Variants in UGT1A1 observed in about 807,000 individuals in gnomAD.
UGT1A1 encodes the protein UDP glucuronosyltransferase family 1 member A1.
In UGT1A1, 33 loss-of-function variants were observed where a neutral mutation model predicts 40.6. That is an observed-to-expected ratio of 0.81 (90% CI 0.62 to 1.09). The LOEUF is 1.09. Among genes scored for constraint, UGT1A1 ranks in the 50% least tolerant of loss-of-function variants. The pLI, the probability that UGT1A1 is intolerant of heterozygous loss-of-function variation, is 0.00. For synonymous variants in UGT1A1, 249 were observed against 265.0 expected (o/e 0.94, Z 0.59); for missense variants, 694 against 671.2 (o/e 1.03, Z -0.38).
chr2:233,764,221 A>G (rs1437910759), intron 1 of UGT1A1, among the ~76,000 whole-genome samples: 2 of 152,128 alleles, frequency 1.3e-5, no homozygotes, highest in African/African-American at 2.4e-5. Context: ...AAGGGAATCA[A>G]TGGTGGGGGA....
intron 4 of UGT1A1, chr2:233,770,529 A>G (rs986919893): frequency 6.6e-6 from 1 of 152,118 alleles, no homozygotes; most frequent in Non-Finnish European, 1.5e-5. Flanking sequence ...ATGGTGGTGT[A>G]TGCCTGTAAT....
At chr2:233,770,549 T>C (rs1220272101) in intron 4 of UGT1A1, 7 of 151,978 alleles carry the variant, frequency 4.6e-5, no homozygotes, top group Non-Finnish European at 8.8e-5. Flanking sequence ...TCCCAGCTAT[T>C]TGGGAGGCTG....
intron 4 of UGT1A1, chr2:233,771,337 C>A (rs949199935): frequency 6.6e-6 from 1 of 152,084 alleles, no homozygotes; most frequent in Non-Finnish European, 1.5e-5. Flanking sequence ...CCTCTTCATT[C>A]CTGTAGCACC....
rs945545582 is a variant in UGT1A1, at chr2:233,772,813, G to A, written c.*254G>A. On this transcript the variant is annotated 3_prime_UTR_variant, in exon 5 of 5. Coordinates refer to ENST00000305208, the MANE Select transcript of UGT1A1 (RefSeq NM_000463.3). ...TGACATGTGCCATTTTTCAGAGGAC[G>A]TGCAGACAGGCTGGCATTCTAGATT... 2 of 1,026,302 alleles carry A rather than the reference G, an allele frequency of 1.9e-6. No individual in the cohort carries two copies. Among genetic ancestry groups the A allele is most frequent in the Admixed American group, 3.1e-5 (1 of 32,076 alleles). 63.6% of individuals were successfully genotyped at this position (1,026,302 alleles called of 1,614,324 possible).
At position 233,760,385 on chromosome 2, in the gene UGT1A1, T is replaced by A. The variant is rs368348566; in HGVS notation, c.98T>A (p.Ile33Asn). 30 of 1,614,058 alleles carry A rather than the reference T, an allele frequency of 1.9e-5. No homozygotes were observed. Among genetic ancestry groups the A allele is most frequent in the Non-Finnish European group, 2.5e-5 (30 of 1,180,036 alleles). Reference protein sequence around the residue: ...VVSHAGKILLIPVDGSHWLSM... With the variant: ...VVSHAGKILLNPVDGSHWLSM... ...TCCCATGCTGGGAAGATACTGTTGA[T>A]CCCAGTGGATGGCAGCCACTGGCTG... The change falls in exon 1 of 5, where the codon ATC (isoleucine) becomes AAC (asparagine). Residue 33 changes from isoleucine (I) to asparagine (N), a missense_variant. Transcript: ENST00000305208.
chr2:233,769,915 T>C lies in UGT1A1; in HGVS notation c.1304+1476T>C, dbSNP rs906114329. 1 of 293,246 alleles carries C rather than the reference T, an allele frequency of 3.4e-6. No individual in the cohort carries two copies. The allele number at this position is 293,246 out of a possible 1,614,324, so 18.2% of individuals were successfully genotyped here. Reference sequence around the variant, plus strand: ...ACCTGAGCATCATGTGCCCAGAGCGTTGGGTGGTGTGGTCCCATTCCTTCC... The same window carrying C: ...ACCTGAGCATCATGTGCCCAGAGCGCTGGGTGGTGTGGTCCCATTCCTTCC... On this transcript the variant is annotated intron_variant, in intron 4 of 4. Transcript: ENST00000305208. The surrounding 1 kb of genome is among the most constrained non-coding windows in gnomAD (Gnocchi z 4.4).
chr2:233,772,866 T>C lies in UGT1A1; in HGVS notation c.*307T>C. ...TTTTCTTACTCTGAAACATGGCCTGTTTGGGAGTGCGGGATTCAAAGGTGG... is the reference window on the plus strand; with the variant it reads ...TTTTCTTACTCTGAAACATGGCCTGCTTGGGAGTGCGGGATTCAAAGGTGG... On this transcript the variant is annotated 3_prime_UTR_variant, in exon 5 of 5. Transcript: ENST00000305208. 1 of 650,978 alleles carries C rather than the reference T, an allele frequency of 1.5e-6. No homozygotes were observed. The highest frequency in any genetic ancestry group is 2.3e-6 in the Non-Finnish European group (1 of 438,192). 40.3% of individuals were successfully genotyped at this position (650,978 alleles called of 1,614,324 possible). A position where few individuals can be genotyped will look rare whatever the true frequency, so the allele number is the denominator to read the frequency against.
intron 2 of UGT1A1, 91 bp from the exon 3 acceptor site, chr2:233,767,758 G>A: frequency 6.2e-7 from 1 of 1,604,004 alleles, no homozygotes. Context: ...TGTTCCTTCA[G>A]AGGACCCCTG....
intron 1 of UGT1A1, among the ~76,000 whole-genome samples, chr2:233,765,606 C>T (rs4663971): frequency 1.3e-5 from 2 of 151,332 alleles, no homozygotes; most frequent in Non-Finnish European, 1.5e-5. Context: ...GGGCTTGTGG[C>T]GGGGTGAGGG....
chr2:233,771,968 G>A (rs942006859), intron 4 of UGT1A1, among the ~76,000 whole-genome samples: 1 of 152,094 alleles, frequency 6.6e-6, no homozygotes, highest in Non-Finnish European at 1.5e-5. Context: ...TTTAAAAATT[G>A]GCCAGACATA....
rs370892808 is a variant in UGT1A1 at position 233,760,466 on chromosome 2, T to A, written c.179T>A (p.Leu60Gln). The change falls in exon 1 of 5, where the codon CTA becomes CAA. Residue 60 changes from leucine to glutamine, a missense_variant. Transcript: ENST00000305208. ...LQQRGHEIVV[L>Q]APDASLYIRD... ...CAGAGGGGACATGAAATAGTTGTCCTAGCACCTGACGCCTCGTTGTACATC... is the reference window on the plus strand; with the variant it reads ...CAGAGGGGACATGAAATAGTTGTCCAAGCACCTGACGCCTCGTTGTACATC... 3.1e-6 allele frequency: 5 copies of A among 1,614,114 alleles called. No individual in the cohort carries two copies. Among genetic ancestry groups the A allele is most frequent in the Non-Finnish European group, 4.2e-6 (5 of 1,180,040 alleles).
chr2:233,768,027 G>A (rs762903764), intron 3 of UGT1A1, 91 bp downstream of exon 3: 89 of 1,612,900 alleles, frequency 5.5e-5, no homozygotes, highest in Non-Finnish European at 7.1e-5. Context: ...TGTTGAGCTT[G>A]AAAATATTAT....
At position 233,772,427 on chromosome 2, in the gene UGT1A1, C is replaced by A; in HGVS notation, c.1470C>A (p.Asp490Glu). The A allele has an allele frequency of 1.2e-6, 2 of 1,614,222 alleles. No individual in the cohort carries two copies. The highest frequency in any genetic ancestry group is 1.7e-6 in the Non-Finnish European group (2 of 1,180,048). ...CCTGGTACCAGTACCATTCCTTGGA[C>A]GTGATTGGTTTCCTCTTGGCCGTCG... is the stretch of plus-strand genomic sequence containing the variant. ...DLTWYQYHSL[D>E]VIGFLLAVVL... Residue 490 changes from aspartate to glutamate, a missense_variant, in exon 5 of 5, where the codon GAC becomes GAA. Physicochemically the swap from Asp to Glu is conservative, Grantham distance 45 (BLOSUM62 2). Transcript: ENST00000305208.
intron 1 of UGT1A1, among the ~76,000 whole-genome samples, chr2:233,761,952 C>G (rs1458039003): frequency 6.6e-6 from 1 of 152,184 alleles, no homozygotes; most frequent in Non-Finnish European, 1.5e-5. Context: ...CGTCTGGCTC[C>G]CATTAAGGGG....
Position 233,767,155 on chromosome 2 carries a change from T to C in UGT1A1, c.986T>C (p.Ile329Thr), listed in dbSNP as rs202035422. The change falls in exon 2 of 5, where the codon ATC (isoleucine) becomes ACC (threonine). Residue 329 changes from isoleucine (I) to threonine (T), a missense_variant. Ile to Thr is a moderately conservative substitution (Grantham distance 89). Transcript: ENST00000305208. The stretch of plus-strand genomic sequence containing the variant: ...GCAATTGCTGATGCTTTGGGCAAAA[T>C]CCCTCAGACAGTAAGAAGATTCTAT... ...AMAIADALGK[I>T]PQTVLWRYTG... 6.2e-7 allele frequency: 1 copy of C among 1,614,056 alleles called. No homozygotes were observed. Among genetic ancestry groups the C allele is most frequent in the Non-Finnish European group, 8.5e-7 (1 of 1,179,996 alleles).
rs926387515 is a variant in UGT1A1 at position 233,772,265 on chromosome 2, C to T, written c.1308C>T (p.Tyr436=). ...ACGAAACTGTCTTTGTGTTTAGTTA[C>T]AAGGAGAACATCATGCGCCTCTCCA... ...ALKAVINDKS[Y]KENIMRLSSL... The change falls in exon 5 of 5, where the codon TAC becomes TAT. Residue 436 remains tyrosine, a synonymous_variant. Coordinates refer to ENST00000305208, the MANE Select transcript of UGT1A1 (RefSeq NM_000463.3). 4 of 1,614,232 alleles carry T rather than the reference C, an allele frequency of 2.5e-6. No homozygotes were observed. The Admixed American group carries it at 6.7e-5, about 27-fold the overall frequency.
rs777115864 is a variant in UGT1A1, at chr2:233,760,833, G to A, written c.546G>A (p.Glu182=). The A allele has an allele frequency of 5.0e-6, 8 of 1,613,598 alleles. No homozygotes were observed. Among genetic ancestry groups the A allele is most frequent in the Admixed American group, 1.7e-5 (1 of 60,008 alleles). The part of the protein sequence containing the change: ...LHALPCSLEF[E]ATQCPNPFSY... The stretch of plus-strand genomic sequence containing the variant: ...CACTGCCATGCAGCCTGGAATTTGA[G>A]GCTACCCAGTGCCCCAACCCATTCT... The change falls in exon 1 of 5, where the codon GAG becomes GAA. Residue 182 remains glutamate (E), a synonymous_variant. Coordinates refer to ENST00000305208, the MANE Select transcript of UGT1A1 (RefSeq NM_000463.3).
At position 233,768,210 on chromosome 2, in the gene UGT1A1, T is replaced by G; in HGVS notation, c.1085-10T>G. 1 of 1,614,186 alleles carries G rather than the reference T, an allele frequency of 6.2e-7. No individual in the cohort carries two copies. The highest frequency in any genetic ancestry group is 1.1e-5 in the South Asian group (1 of 91,084). On this transcript the variant is annotated splice_polypyrimidine_tract_variant and intron_variant, in intron 3 of 4. Transcript: ENST00000305208. Reference sequence around the variant, plus strand: ...GTAACTGCTGACATCCTCCCTATTTTGCATCTCAGGTCACCCGATGACCCG... The same window carrying G: ...GTAACTGCTGACATCCTCCCTATTTGGCATCTCAGGTCACCCGATGACCCG...
chr2:233,769,450 T>A lies in UGT1A1; in HGVS notation c.1304+1011T>A. On this transcript the variant is annotated intron_variant, in intron 4 of 4. Coordinates refer to ENST00000305208, the MANE Select transcript of UGT1A1 (RefSeq NM_000463.3). The surrounding 1 kb of genome is among the most constrained non-coding windows in gnomAD (Gnocchi z 4.4). Reference sequence around the variant, plus strand: ...CTGTGCTCATGTGTGGGTGCACACGTGTGCATTCATATGCGTGTGTGTGTG... The same window carrying A: ...CTGTGCTCATGTGTGGGTGCACACGAGTGCATTCATATGCGTGTGTGTGTG... The A allele has an allele frequency of 1.3e-6, 2 of 1,587,838 alleles. No individual in the cohort carries two copies. The highest frequency in any genetic ancestry group is 1.7e-6 in the Non-Finnish European group (2 of 1,158,796).
Sources: allele counts gnomAD v4.1 joint callset (sites outside exome capture counted in the v4.1 genomes callset), GRCh38; gene constraint gnomAD v4.1.1; non-coding constraint Gnocchi (gnomAD v3.1); transcripts MANE v1.5; gene names NCBI Gene and HGNC (gene_info 2026-07-23, HGNC 2026-07-21).